The following DLGAP1 variants were observed in gnomAD, a reference collection of about 807,000 sequenced individuals.
DLGAP1 encodes the protein disks large-associated protein 1.
A neutral mutation model predicts 90.8 loss-of-function variants in DLGAP1; 11 were observed. That is an observed-to-expected ratio of 0.12 (90% CI 0.08 to 0.20). The LOEUF (loss-of-function observed/expected upper bound fraction) is 0.20, where lower values mean the gene tolerates loss of function less well. DLGAP1 is among the 10% of genes least tolerant of loss of function. The probability of loss-of-function intolerance (pLI) is 1.00; values close to 1 mark genes in which losing one functional copy is unlikely to be tolerated. For synonymous variants in DLGAP1, 558 were observed against 540.7 expected, an observed-to-expected ratio of 1.03 and a Z score of -0.44; for missense variants, 1,050 against 1,333.8, an observed-to-expected ratio of 0.79 and a Z score of 3.31.
chr18:4,048,615 C>A (rs2075089451), intron 2 of DLGAP1, among the ~76,000 whole-genome samples: 1 of 152,178 alleles, frequency 6.6e-6, no homozygotes. Flanking sequence ...CTGAGAGAAT[C>A]TGAAAACTGT....
intron 1 of DLGAP1, among the ~76,000 whole-genome samples, chr18:4,197,199 A>AAAAAAAAAAAAAAAAAAAG (rs1555760529): frequency 2.8e-5 from 4 of 144,304 alleles, no homozygotes; most frequent in East Asian, 2.2e-4. Flanking sequence ...AAAAAAAAAA[A>AAAAAAAAAAAAAAAAAAAG]AAAAAAAAAG....
At chr18:4,127,864 A>G (rs1354944638) in intron 2 of DLGAP1, among the ~76,000 whole-genome samples, 4 of 152,214 alleles carry the variant, frequency 2.6e-5, no homozygotes, top group Non-Finnish European at 5.9e-5. Flanking sequence ...ATCACTGTGA[A>G]AAGAAACACA....
chr18:3,567,597 A>G lies in DLGAP1; in HGVS notation c.1966-16T>C, dbSNP rs768880582. 3 of 1,606,484 alleles carry G rather than the reference A, an allele frequency of 1.9e-6. No individual in the cohort carries two copies. Among genetic ancestry groups the G allele is most frequent in the Admixed American group, 1.7e-5 (1 of 59,634 alleles). ...CATCATCCACCTGGAGAAATCATCA[A>G]ATAAATAGAGTTGTTCCATTTCAGT... On this transcript the variant is annotated splice_polypyrimidine_tract_variant and intron_variant, in intron 8 of 12. Transcript: ENST00000315677.
Position 4,394,287 on chromosome 18 carries a change from A to G in DLGAP1, c.-267+60719T>C, listed in dbSNP as rs1449452390. Among the ~76,000 whole-genome samples, 6 of 152,212 alleles carry G rather than the reference A, an allele frequency of 3.9e-5. No homozygotes were observed. The East Asian group carries it at 9.6e-4, about 24-fold the overall frequency. On this transcript the variant is annotated intron_variant, in intron 1 of 12. Transcript: ENST00000315677. ...TTTGCTAATAAGTGGGCACAATTCT[A>G]ATCAGTATCAATTATCAAATGTCTA...
intron 2 of DLGAP1, among the ~76,000 whole-genome samples, chr18:4,136,258 C>T (rs2076399866): frequency 6.6e-6 from 1 of 152,074 alleles, no homozygotes; most frequent in Non-Finnish European, 1.5e-5. Context: ...TGGATATATA[C>T]CTAGCAGTGA....
chr18:4,134,257 C>T (rs2144239890), intron 2 of DLGAP1, among the ~76,000 whole-genome samples: 1 of 152,162 alleles, frequency 6.6e-6, no homozygotes, highest in South Asian at 2.1e-4. Context: ...CCTTCTTCTC[C>T]TGCCCCCTAA....
rs1262364128 is a variant in DLGAP1 at position 3,496,929 on chromosome 18, A to C, written c.*2256T>G. The C allele has an allele frequency of 6.6e-6, 1 of 152,246 alleles. No individual in the cohort carries two copies. Among genetic ancestry groups the C allele is most frequent in the Non-Finnish European group, 1.5e-5 (1 of 68,050 alleles). 9.4% of individuals were successfully genotyped at this position (152,246 alleles called of 1,614,324 possible). ...GAATATACAAATGCCGTTCACTTAG[A>C]CAAGATAAATAGGCCTTCTCTTGTC... On this transcript the variant is annotated 3_prime_UTR_variant, in exon 13 of 13. Coordinates refer to ENST00000315677, the MANE Select transcript of DLGAP1 (RefSeq NM_004746.4).
intron 1 of DLGAP1, among the ~76,000 whole-genome samples, chr18:4,151,495 G>A (rs1377032797): frequency 1.3e-5 from 2 of 151,432 alleles, no homozygotes; most frequent in African/African-American, 4.9e-5. Flanking sequence ...CAATCACCCA[G>A]AAAAAAAACA....
At chr18:4,274,791 T>C (rs1360968382) in intron 1 of DLGAP1, among the ~76,000 whole-genome samples, 1 of 152,172 alleles carries the variant, frequency 6.6e-6, no homozygotes, top group Non-Finnish European at 1.5e-5. Context: ...TATTTTGTCA[T>C]AAATGAACAC....
At chr18:3,959,266 T>G (rs1158705820) in intron 3 of DLGAP1, among the ~76,000 whole-genome samples, 1 of 152,144 alleles carries the variant, frequency 6.6e-6, no homozygotes, top group African/African-American at 2.4e-5. Flanking sequence ...TACCTGACCT[T>G]GTCTTTAGGT....
At chr18:4,122,096 G>A (rs530384173) in intron 2 of DLGAP1, among the ~76,000 whole-genome samples, 1 of 152,122 alleles carries the variant, frequency 6.6e-6, no homozygotes, top group Non-Finnish European at 1.5e-5. Context: ...GGCTAGACAA[G>A]GGCTCTATCA....
chr18:4,194,442 G>T (rs1055340749), intron 1 of DLGAP1, among the ~76,000 whole-genome samples: 2 of 152,000 alleles, frequency 1.3e-5, no homozygotes, highest in African/African-American at 4.8e-5. Flanking sequence ...ATATTATATC[G>T]AATTGGATTA....
intron 1 of DLGAP1, among the ~76,000 whole-genome samples, chr18:4,448,452 A>G (rs114171425): frequency 0.013 from 2,033 of 152,294 alleles, 40 homozygotes; most frequent in South Asian, 0.04. Flanking sequence ...GACATCTATC[A>G]TCAAGATCCC....
chr18:4,334,194 C>T (rs983167529), intron 1 of DLGAP1, among the ~76,000 whole-genome samples: 1 of 151,552 alleles, frequency 6.6e-6, no homozygotes. Flanking sequence ...GCCGAGATCG[C>T]GTCATTGCAC....
intron 2 of DLGAP1, among the ~76,000 whole-genome samples, chr18:4,022,592 C>G (rs1353566360): frequency 6.6e-6 from 1 of 152,160 alleles, no homozygotes; most frequent in Non-Finnish European, 1.5e-5. Flanking sequence ...TACATTCCAT[C>G]ATATGCCATG....
At chr18:4,166,243 T>C (rs553455730) in intron 1 of DLGAP1, among the ~76,000 whole-genome samples, 51 of 152,186 alleles carry the variant, frequency 3.4e-4, no homozygotes, top group Middle Eastern at 3.4e-3. Context: ...AAAGAATATA[T>C]ACAAATGACC....
chr18:4,100,396 T>TA (rs2075761181), intron 2 of DLGAP1, among the ~76,000 whole-genome samples: 2 of 152,220 alleles, frequency 1.3e-5, no homozygotes, highest in African/African-American at 4.8e-5. Flanking sequence ...ACAGTGGGCT[T>TA]GAAATATTCA....
chr18:4,077,049 G>A (rs2075534798), intron 2 of DLGAP1, among the ~76,000 whole-genome samples: 1 of 152,152 alleles, frequency 6.6e-6, no homozygotes, highest in African/African-American at 2.4e-5. Flanking sequence ...GGGTTCCAGT[G>A]TGCATCAGTC....
chr18:3,733,812 C>T (rs2062535470), intron 6 of DLGAP1, among the ~76,000 whole-genome samples: 1 of 152,188 alleles, frequency 6.6e-6, no homozygotes, highest in South Asian at 2.1e-4. Flanking sequence ...ATCTGACTCA[C>T]ATGTTTTTCC....
Sources: gnomAD v4.1 joint callset for allele counts (sites outside exome capture counted in the v4.1 genomes callset) on GRCh38, gnomAD v4.1.1 for gene constraint, MANE v1.5 for transcripts, NCBI Gene and HGNC (gene_info 2026-07-23, HGNC 2026-07-21) for gene names.